The following PACRG variants were observed in gnomAD, a reference collection of about 807,000 sequenced individuals.
PACRG encodes parkin coregulated.
Under a neutral mutation model 29.7 loss-of-function variants are expected in PACRG, and 29 were observed. The ratio of observed to expected loss-of-function variants is 0.98; its 90% CI spans 0.73 to 1.33. The LOEUF (loss-of-function observed/expected upper bound fraction) is 1.33. Among genes scored for constraint, PACRG ranks in the 40% most tolerant of loss-of-function variants. PACRG has a pLI of 0.00. For missense variants in PACRG, 279 were observed against 316.2 expected (o/e 0.88, Z 0.89); for synonymous variants, 116 against 118.7 (o/e 0.98, Z 0.15).
At chr6:163,032,521 GAAA>G (rs1807766195) in intron 2 of PACRG, among the ~76,000 whole-genome samples, 1 of 152,144 alleles carries the variant, frequency 6.6e-6, no homozygotes, top group Admixed American at 6.5e-5. Context: ...GATTAACAAA[GAAA>G]TTTGGTTACC....
At chr6:162,767,211 GT>G (rs950000425) in intron 1 of PACRG, among the ~76,000 whole-genome samples, 2 of 151,664 alleles carry the variant, frequency 1.3e-5, no homozygotes, top group East Asian at 1.9e-4. Flanking sequence ...TCATTTAAGA[GT>G]TTTTTTTGTT....
intron 1 of PACRG, among the ~76,000 whole-genome samples, chr6:162,813,141 T>C (rs1787026148): frequency 6.6e-6 from 1 of 151,972 alleles, no homozygotes. Flanking sequence ...TATTTAGATA[T>C]GTTAATATAT....
chr6:162,872,192 G>T (rs1298257932), intron 2 of PACRG, among the ~76,000 whole-genome samples: 1 of 147,720 alleles, frequency 6.8e-6, no homozygotes, highest in Non-Finnish European at 1.5e-5. Flanking sequence ...CATAGCCAGG[G>T]CTTCTAACTC....
At chr6:163,288,745 C>CT (rs34787904) in intron 4 of PACRG, among the ~76,000 whole-genome samples, 22,599 of 152,158 alleles carry the variant, frequency 0.15, 2,005 homozygotes, top group Non-Finnish European at 0.2. Context: ...TTTTGAATGG[C>CT]TTTCCCAATT....
Position 163,193,894 on chromosome 6 carries a change from T to G in PACRG, c.613+104486T>G, listed in dbSNP as rs973993946. ...GGAAACTGTTTCTTTTTGTTTCTTT[T>G]TTTTTTTTTTTTTCCTGAGATGGAG... On this transcript the variant is annotated intron_variant, in intron 4 of 4. Transcript: ENST00000366888. 4.3e-4 allele frequency among the ~76,000 whole-genome samples: 35 copies of G among 81,364 alleles called. 1 individual carries two copies. The highest frequency in any genetic ancestry group is 7.8e-4 in the Non-Finnish European group (22 of 28,342). 53.4% of individuals were successfully genotyped at this position (81,364 alleles called of 152,430 possible). A position where few individuals can be genotyped will look rare whatever the true frequency, so the allele number is the denominator to read the frequency against.
At chr6:162,832,477 T>A (rs916433662) in intron 2 of PACRG, among the ~76,000 whole-genome samples, 9 of 152,204 alleles carry the variant, frequency 5.9e-5, no homozygotes, top group South Asian at 2.1e-4. Flanking sequence ...TTTTTAATAA[T>A]TGAGTGATAT....
Position 163,203,788 on chromosome 6 carries a change from T to C in PACRG, c.614-111039T>C, listed in dbSNP as rs143757881. Among the ~76,000 whole-genome samples the C allele has an allele frequency of 3.9e-5, 6 of 152,312 alleles. 1 individual carries two copies. The East Asian group carries it at 1.2e-3, about 29-fold the overall frequency. On this transcript the variant is annotated intron_variant, in intron 4 of 4. Coordinates refer to ENST00000366888, the MANE Select transcript of PACRG (RefSeq NM_001080379.2). ...AAGGCTAATTACTTTTACAATAAAA[T>C]AAAGAGAACTTACCTGTCATTGAGC...
intron 4 of PACRG, among the ~76,000 whole-genome samples, chr6:163,289,055 G>T (rs1001302939): frequency 6.6e-6 from 1 of 152,170 alleles, no homozygotes; most frequent in African/African-American, 2.4e-5. Flanking sequence ...TTGCCATTGA[G>T]ATGCTAGACT....
chr6:163,210,106 C>A (rs1194220614), intron 4 of PACRG, among the ~76,000 whole-genome samples: 2 of 152,198 alleles, frequency 1.3e-5, no homozygotes, highest in African/African-American at 2.4e-5. Flanking sequence ...ACGGCCTACG[C>A]TTCCACATAC....
intron 2 of PACRG, among the ~76,000 whole-genome samples, chr6:162,888,018 C>T (rs6938476): frequency 0.19 from 28,910 of 152,106 alleles, 3,280 homozygotes; most frequent in Non-Finnish European, 0.25. Flanking sequence ...GGCTACTCTC[C>T]GCTTCCAAAG....
intron 4 of PACRG, among the ~76,000 whole-genome samples, chr6:163,232,387 C>T (rs1442960451): frequency 6.6e-6 from 1 of 152,020 alleles, no homozygotes; most frequent in Non-Finnish European, 1.5e-5. Flanking sequence ...CTCCAGCCTG[C>T]GTGTCAGACC....
At chr6:163,027,611 G>A (rs1183853092) in intron 2 of PACRG, among the ~76,000 whole-genome samples, 1 of 152,102 alleles carries the variant, frequency 6.6e-6, no homozygotes, top group Non-Finnish European at 1.5e-5. Flanking sequence ...TACACTCAGA[G>A]CTACAGGATA....
intron 4 of PACRG, among the ~76,000 whole-genome samples, chr6:163,307,650 CA>C (rs543289460): frequency 1.2e-3 from 183 of 152,256 alleles, no homozygotes; most frequent in Non-Finnish European, 2.2e-3. Flanking sequence ...GGCCCAGACA[CA>C]GAAACACCCA....
chr6:163,289,419 G>A (rs1270741459), intron 4 of PACRG, among the ~76,000 whole-genome samples: 1 of 152,110 alleles, frequency 6.6e-6, no homozygotes, highest in African/African-American at 2.4e-5. Flanking sequence ...TGAATCTTGA[G>A]TCAGTTTTTC....
At chr6:162,794,744 A>G (rs1351237139) in intron 1 of PACRG, among the ~76,000 whole-genome samples, 3 of 152,160 alleles carry the variant, frequency 2.0e-5, no homozygotes, top group African/African-American at 7.2e-5. Flanking sequence ...AGTTTATGCA[A>G]TCACTCAAGA....
intron 4 of PACRG, among the ~76,000 whole-genome samples, chr6:163,181,254 G>T (rs1779644375): frequency 6.6e-6 from 1 of 152,138 alleles, no homozygotes; most frequent in South Asian, 2.1e-4. Context: ...TGCAAAGGAA[G>T]GGTTAAAGAA....
At chr6:163,100,740 A>C (rs1815035205) in intron 4 of PACRG, 1 of 957,812 alleles carries the variant, frequency 1.0e-6, no homozygotes, top group Non-Finnish European at 1.2e-6. Context: ...TTTCTTAAAA[A>C]TCTGTAATTT....
intron 2 of PACRG, among the ~76,000 whole-genome samples, chr6:162,943,572 C>T (rs1279799372): frequency 6.6e-6 from 1 of 152,132 alleles, no homozygotes; most frequent in Non-Finnish European, 1.5e-5. Flanking sequence ...TCACTGGGGG[C>T]CTGGGGATCA....
intron 4 of PACRG, among the ~76,000 whole-genome samples, chr6:163,270,974 C>T (rs1408577652): frequency 6.6e-6 from 1 of 152,016 alleles, no homozygotes; most frequent in Non-Finnish European, 1.5e-5. Flanking sequence ...CACATGATTA[C>T]AAGGTGAGGT....
Sources: allele counts gnomAD v4.1 joint callset (sites outside exome capture counted in the v4.1 genomes callset), GRCh38; gene constraint gnomAD v4.1.1; transcripts MANE v1.5; gene names NCBI Gene and HGNC (gene_info 2026-07-23, HGNC 2026-07-21).